The following PRDM2 variants were observed in gnomAD, a reference collection of about 807,000 sequenced individuals.
PRDM2 encodes PR domain zinc finger protein 2.
PRDM2 carries 30 observed loss-of-function variants against 130.0 expected under a neutral mutation model. The ratio of observed to expected loss-of-function variants is 0.23; its 90% confidence interval spans 0.17 to 0.31. The LOEUF (loss-of-function observed/expected upper bound fraction) is 0.31, where lower values mean the gene tolerates loss of function less well. Among genes scored for constraint, PRDM2 ranks in the 10% least tolerant of loss-of-function variants. The probability of loss-of-function intolerance (pLI) is 1.00; values close to 1 mark genes in which losing one functional copy is unlikely to be tolerated. For synonymous variants in PRDM2, 871 were observed against 782.4 expected, an observed-to-expected ratio of 1.11 and a Z score of -1.89; for missense variants, 2,011 against 2,108.4, an observed-to-expected ratio of 0.95 and a Z score of 0.90.
Position 13,730,984 on chromosome 1 carries a change from AT to A in PRDM2, c.10-13del. 6.5e-7 allele frequency: 1 copy of A among 1,541,868 alleles called. No homozygotes were observed. Among genetic ancestry groups the A allele is most frequent in the Non-Finnish European group, 8.8e-7 (1 of 1,141,594 alleles). ...TTCTTTCTTTTGCTGTGATCCTTCC[AT>A]TTCTTGACTTGCAGAACACTACTGA... On this transcript the variant is annotated splice_polypyrimidine_tract_variant and intron_variant, in intron 2 of 9. Transcript: ENST00000311066.
intron 1 of PRDM2, among the ~76,000 whole-genome samples, chr1:13,706,786 T>C (rs1213651656): frequency 3.3e-5 from 5 of 152,110 alleles, no homozygotes; most frequent in Admixed American, 2.6e-4. Context: ...ATACATTTTT[T>C]TTCCAAAAAA....
intron 8 of PRDM2, among the ~76,000 whole-genome samples, chr1:13,783,553 C>T (rs1644670103): frequency 6.6e-6 from 1 of 152,104 alleles, no homozygotes; most frequent in East Asian, 1.9e-4. Context: ...CCTTTGTTTC[C>T]CCAGTAATGA....
At position 13,781,058 on chromosome 1, in the gene PRDM2, G is replaced by T. The variant is rs762204326; in HGVS notation, c.3263G>T (p.Gly1088Val). 1 of 1,612,118 alleles carries T rather than the reference G, an allele frequency of 6.2e-7. No homozygotes were observed. Among genetic ancestry groups the T allele is most frequent in the South Asian group, 1.1e-5 (1 of 91,024 alleles). Residue 1088 changes from glycine to valine, a missense_variant, in exon 8 of 10, where the codon GGT becomes GTT. By Grantham distance (109) the Gly-to-Val change is moderately radical (BLOSUM62 -3). This residue lies in a region of PRDM2 where 1,288 missense variants were observed against 1,237.7 expected (regional missense o/e 1.04). Coordinates refer to ENST00000311066, the MANE Select transcript of PRDM2 (RefSeq NM_001393986.1). This position sits in a 1 kb window ranked among gnomAD's most constrained non-coding sequence, Gnocchi z 6.1. ...GCAATATCATCTGTTGTTTCCTCTG[G>T]TGATAATCTGGAGGCTTCTCTCCCC... The part of the protein sequence containing the change: ...LSAISSVVSS[G>V]DNLEASLPMI...
chr1:13,780,959 C>G lies in PRDM2; in HGVS notation c.3164C>G (p.Ser1055Cys). 6.2e-7 allele frequency: 1 copy of G among 1,606,608 alleles called. No individual in the cohort carries two copies. Among genetic ancestry groups the G allele is most frequent in the Non-Finnish European group, 8.5e-7 (1 of 1,173,362 alleles). ...SPGPPTLSSS[S>C]SSSSSSSSFS... ...GGGCCTCCAACACTTTCTTCTTCCT[C>G]CTCTTCATCTTCCTCCTCCTCTTCG... The change falls in exon 8 of 10, where the codon TCC becomes TGC. Residue 1055 changes from serine to cysteine, a missense_variant. Physicochemically the swap from Ser to Cys is moderately radical, Grantham distance 112. Transcript: ENST00000311066.
chr1:13,758,569 T>C (rs1644019009), intron 6 of PRDM2, among the ~76,000 whole-genome samples: 1 of 152,218 alleles, frequency 6.6e-6, no homozygotes, highest in Non-Finnish European at 1.5e-5. Context: ...TTAGCATTTT[T>C]CTTTCTGTTC....
intron 2 of PRDM2, among the ~76,000 whole-genome samples, chr1:13,729,840 G>C (rs955882850): frequency 1.3e-5 from 2 of 152,126 alleles, no homozygotes; most frequent in Non-Finnish European, 2.9e-5. Flanking sequence ...CTTGAAGCAG[G>C]CCAGAGAGTA....
At chr1:13,761,755 T>A in intron 6 of PRDM2, among the ~76,000 whole-genome samples, 1 of 151,906 alleles carries the variant, frequency 6.6e-6, no homozygotes. Context: ...GCAGAGACAG[T>A]TAGGAGCAAT....
At chr1:13,778,289 T>C in intron 7 of PRDM2, 129 bp from the exon 8 acceptor site, 3 of 962,696 alleles carry the variant, frequency 3.1e-6, no homozygotes, top group Non-Finnish European at 4.6e-6. Flanking sequence ...TAGAAGTAAT[T>C]TATTGTTCAT....
chr1:13,776,754 A>T (rs151293920), intron 7 of PRDM2, among the ~76,000 whole-genome samples: 2 of 152,008 alleles, frequency 1.3e-5, no homozygotes, highest in Non-Finnish European at 2.9e-5. Context: ...CAGTTTCTTT[A>T]CTTTGCCAAA....
At chr1:13,720,026 C>A (rs968138127) in intron 2 of PRDM2, among the ~76,000 whole-genome samples, 12 of 152,102 alleles carry the variant, frequency 7.9e-5, no homozygotes, top group Admixed American at 3.9e-4. Flanking sequence ...TCTATTCCGT[C>A]ATGTATTGCT....
chr1:13,706,697 CT>C (rs1022632112), intron 1 of PRDM2, among the ~76,000 whole-genome samples: 66 of 147,280 alleles, frequency 4.5e-4, no homozygotes, highest in Non-Finnish European at 4.7e-4. Flanking sequence ...AGTCTTTCAT[CT>C]TTTTTTTTTT....
intron 8 of PRDM2, among the ~76,000 whole-genome samples, chr1:13,791,376 G>A (rs1359114774): frequency 6.6e-6 from 1 of 152,162 alleles, no homozygotes; most frequent in Non-Finnish European, 1.5e-5. Flanking sequence ...CTTTTATAGA[G>A]CCATGTGGTT....
chr1:13,713,873 A>AT (rs532130510), intron 1 of PRDM2, among the ~76,000 whole-genome samples: 277 of 142,204 alleles, frequency 1.9e-3, no homozygotes, highest in Admixed American at 3.9e-3. Flanking sequence ...CAAAATATAC[A>AT]TTTTTTTTTT....
At chr1:13,764,187 T>A (rs1472667608) in intron 6 of PRDM2, among the ~76,000 whole-genome samples, 1 of 152,198 alleles carries the variant, frequency 6.6e-6, no homozygotes, top group Non-Finnish European at 1.5e-5. Flanking sequence ...GGTTGCCAGG[T>A]ACTGGAAATG....
chr1:13,710,540 A>G (rs574920827), intron 1 of PRDM2, among the ~76,000 whole-genome samples: 3 of 152,384 alleles, frequency 2.0e-5, no homozygotes, highest in South Asian at 4.1e-4. Flanking sequence ...TTAGATATGT[A>G]AAATAGAGAT....
At chr1:13,757,071 A>G (rs562469773) in intron 6 of PRDM2, among the ~76,000 whole-genome samples, 5 of 152,346 alleles carry the variant, frequency 3.3e-5, no homozygotes, top group Non-Finnish European at 5.9e-5. Context: ...TTCACTGCTC[A>G]CTGTAAGAAG....
chr1:13,734,474 A>G (rs1028821332), intron 4 of PRDM2, among the ~76,000 whole-genome samples: 2 of 152,174 alleles, frequency 1.3e-5, no homozygotes, highest in African/African-American at 2.4e-5. Context: ...AGTAGTACCT[A>G]TTTTATCCCA....
intron 2 of PRDM2, among the ~76,000 whole-genome samples, chr1:13,728,912 A>G (rs971665510): frequency 6.6e-6 from 1 of 151,858 alleles, no homozygotes; most frequent in African/African-American, 2.4e-5. Flanking sequence ...CTTAAGCACC[A>G]TCTCCTGCTG....
intron 1 of PRDM2, among the ~76,000 whole-genome samples, chr1:13,709,523 G>A: frequency 6.6e-6 from 1 of 152,198 alleles, no homozygotes; most frequent in South Asian, 2.1e-4. Flanking sequence ...TAAGGTCAGT[G>A]TTAGACGACA....
Sources: gnomAD v4.1 joint callset for allele counts (sites outside exome capture counted in the v4.1 genomes callset) on GRCh38, gnomAD v4.1.1 for gene constraint, gnomAD v4.1.1 regional missense constraint, Gnocchi (gnomAD v3.1) non-coding constraint, MANE v1.5 for transcripts, NCBI Gene and HGNC (gene_info 2026-07-23, HGNC 2026-07-21) for gene names.